GPR39: variants seen among roughly 807,000 people sequenced by gnomAD.
GPR39 encodes the protein zinc sensing receptor.
Under a neutral mutation model 18.4 loss-of-function variants are expected in GPR39, and 23 were observed. That is an observed-to-expected ratio of 1.25 (90% CI 0.90 to 1.77). GPR39 has a LOEUF of 1.77. Among genes scored for constraint, GPR39 ranks in the 40% most tolerant of loss-of-function variants. The probability of loss-of-function intolerance (pLI) is 0.00; values close to 1 mark genes in which losing one functional copy is unlikely to be tolerated. For missense variants in GPR39, 647 were observed against 602.4 expected, an observed-to-expected ratio of 1.07 and a Z score of -0.78; for synonymous variants, 280 against 257.9, an observed-to-expected ratio of 1.09 and a Z score of -0.82.
At chr2:132,460,925 A>T (rs1448080686) in intron 1 of GPR39, among the ~76,000 whole-genome samples, 1 of 152,140 alleles carries the variant, frequency 6.6e-6, no homozygotes, top group Non-Finnish European at 1.5e-5. Flanking sequence ...GCTGCCAGGG[A>T]CATCCTGGAA....
intron 1 of GPR39, among the ~76,000 whole-genome samples, chr2:132,582,996 G>C (rs1012932620): frequency 6.9e-6 from 1 of 144,002 alleles, no homozygotes; most frequent in African/African-American, 2.6e-5. Context: ...GCTCATTGCA[G>C]CCTTAAACTC....
rs546722133 is a variant in GPR39 at position 132,424,984 on chromosome 2, A to G, written c.856+7086A>G. Among the ~76,000 whole-genome samples, 55 of 152,238 alleles carry G rather than the reference A, an allele frequency of 3.6e-4. No homozygotes were observed. The East Asian group carries it at 9.1e-3, about 25-fold the overall frequency. On this transcript the variant is annotated intron_variant, in intron 1 of 1. Transcript: ENST00000329321. ...CAGCACGGAGGCCCAAACCGCCCCC[A>G]TGTTGCTCAGGCCCTGATTAGGAGG...
At chr2:132,542,718 TAGAAAC>T (rs1431987606) in intron 1 of GPR39, among the ~76,000 whole-genome samples, 6 of 151,196 alleles carry the variant, frequency 4.0e-5, no homozygotes, top group Non-Finnish European at 8.8e-5. Context: ...AAAAAATCAC[TAGAAAC>T]ATCAAGCTCC....
chr2:132,611,598 G>A (rs932018675), intron 1 of GPR39, among the ~76,000 whole-genome samples: 1 of 149,846 alleles, frequency 6.7e-6, no homozygotes, highest in Admixed American at 6.7e-5. Context: ...TGCTCCAAAG[G>A]ATGCTTGAAG....
At chr2:132,428,495 T>C (rs1029112750) in intron 1 of GPR39, among the ~76,000 whole-genome samples, 2 of 152,204 alleles carry the variant, frequency 1.3e-5, no homozygotes, top group African/African-American at 4.8e-5. Context: ...TTTAATAGAC[T>C]GGCTAACTGG....
At chr2:132,530,545 C>T (rs551106585) in intron 1 of GPR39, among the ~76,000 whole-genome samples, 2 of 152,118 alleles carry the variant, frequency 1.3e-5, no homozygotes, top group Non-Finnish European at 2.9e-5. Flanking sequence ...CTCCAAGACA[C>T]ATAATTTTCA....
rs745619948 is a variant in GPR39 at position 132,493,473 on chromosome 2, T to TATATATATATACACC, written c.856+75587_856+75601dup. 3.0e-3 allele frequency among the ~76,000 whole-genome samples: 400 copies of TATATATATATACACC among 132,366 alleles called. 4 individuals carry two copies. The highest frequency in any genetic ancestry group is 0.011 in the African/African-American group (355 of 30,954). 86.8% of individuals were successfully genotyped at this position (132,366 alleles called of 152,430 possible). A position where few individuals can be genotyped will look rare whatever the true frequency, so the allele number is the denominator to read the frequency against. On this transcript the variant is annotated intron_variant, in intron 1 of 1. Transcript: ENST00000329321. ...ATACACACCATATATATATACACCATATATATATATACACCATATATATAT... is the reference window on the plus strand; with the variant it reads ...ATACACACCATATATATATACACCATATATATATATACACCATATATATATACACCATATATATAT...
intron 1 of GPR39, among the ~76,000 whole-genome samples, chr2:132,434,254 G>A (rs1360386487): frequency 2.6e-5 from 4 of 152,148 alleles, no homozygotes; most frequent in Admixed American, 2.0e-4. Flanking sequence ...TTCAAATGCT[G>A]TTGGGTTTAT....
chr2:132,563,178 C>T (rs1404435304), intron 1 of GPR39, among the ~76,000 whole-genome samples: 1 of 152,192 alleles, frequency 6.6e-6, no homozygotes, highest in Non-Finnish European at 1.5e-5. Context: ...CACAGTGGAG[C>T]TTCACTATTG....
chr2:132,536,485 C>G (rs1679759398), intron 1 of GPR39, among the ~76,000 whole-genome samples: 1 of 152,080 alleles, frequency 6.6e-6, no homozygotes, highest in South Asian at 2.1e-4. Context: ...GTTTTACTTC[C>G]AATTATATGG....
At chr2:132,591,516 C>A (rs1449796824) in intron 1 of GPR39, among the ~76,000 whole-genome samples, 2 of 152,120 alleles carry the variant, frequency 1.3e-5, no homozygotes, top group South Asian at 2.1e-4. Context: ...TGCTCCTCAG[C>A]TTGCAGAGGG....
intron 1 of GPR39, among the ~76,000 whole-genome samples, chr2:132,570,924 A>ATTGCT (rs1558843768): frequency 6.6e-6 from 1 of 152,126 alleles, no homozygotes; most frequent in African/African-American, 2.4e-5. Flanking sequence ...GGTGGGGCCT[A>ATTGCT]TTGCTTTCCC....
intron 1 of GPR39, among the ~76,000 whole-genome samples, chr2:132,607,482 G>T (rs1159923856): frequency 6.6e-6 from 1 of 152,164 alleles, no homozygotes; most frequent in Non-Finnish European, 1.5e-5. Context: ...AGCCTTGGGG[G>T]CCAGCCTGAG....
chr2:132,521,680 C>T (rs894588740), intron 1 of GPR39, among the ~76,000 whole-genome samples: 5 of 130,494 alleles, frequency 3.8e-5, no homozygotes, highest in South Asian at 2.6e-4. Flanking sequence ...CCTCCATCTC[C>T]GGGATCTTGT....
Position 132,639,006 on chromosome 2 carries a change from C to T in GPR39, c.857-6095C>T, listed in dbSNP as rs574403355. Among the ~76,000 whole-genome samples the T allele has an allele frequency of 5.9e-5, 9 of 152,286 alleles. No homozygotes were observed. The South Asian group carries it at 1.4e-3, about 25-fold the overall frequency. On this transcript the variant is annotated intron_variant, in intron 1 of 1. Transcript: ENST00000329321. ...TGTCTCTGCTGGTGCTGCCCTTTTCCAGGCTGACTCTTACTCTCCTTAACT... is the reference window on the plus strand; with the variant it reads ...TGTCTCTGCTGGTGCTGCCCTTTTCTAGGCTGACTCTTACTCTCCTTAACT...
At chr2:132,561,339 G>A (rs1451589970) in intron 1 of GPR39, among the ~76,000 whole-genome samples, 1 of 152,030 alleles carries the variant, frequency 6.6e-6, no homozygotes, top group Non-Finnish European at 1.5e-5. Context: ...TCAAACTAGG[G>A]AGTTCACTTG....
At chr2:132,565,481 T>C (rs1680333307) in intron 1 of GPR39, among the ~76,000 whole-genome samples, 2 of 150,684 alleles carry the variant, frequency 1.3e-5, no homozygotes, top group South Asian at 4.3e-4. Context: ...ACATGTGCCA[T>C]GCTGGTGCGC....
At chr2:132,473,592 A>G (rs1189209252) in intron 1 of GPR39, among the ~76,000 whole-genome samples, 6 of 152,200 alleles carry the variant, frequency 3.9e-5, no homozygotes, top group Admixed American at 1.3e-4. Flanking sequence ...CAGTAGCAAT[A>G]TATTCAGTAC....
intron 1 of GPR39, among the ~76,000 whole-genome samples, chr2:132,632,458 T>C (rs1681667150): frequency 6.6e-6 from 1 of 152,192 alleles, no homozygotes; most frequent in African/African-American, 2.4e-5. Context: ...GCCATTTCAA[T>C]TGAATTACCT....
Sources: gnomAD v4.1 joint callset for allele counts (sites outside exome capture counted in the v4.1 genomes callset) on GRCh38, gnomAD v4.1.1 for gene constraint, MANE v1.5 for transcripts, NCBI Gene and HGNC (gene_info 2026-07-23, HGNC 2026-07-21) for gene names.